GNAO1: variants seen among roughly 807,000 people sequenced by gnomAD.
The protein encoded by GNAO1 is guanine nucleotide-binding protein G(o) subunit alpha.
For missense variants in GNAO1, 166 were observed against 478.7 expected, an observed-to-expected ratio of 0.35 and a Z score of 6.10; for synonymous variants, 164 against 180.7, an observed-to-expected ratio of 0.91 and a Z score of 0.74.
At chr16:56,229,039 A>C (rs578252399) in intron 2 of GNAO1, among the ~76,000 whole-genome samples, 1 of 152,308 alleles carries the variant, frequency 6.6e-6, no homozygotes, top group Admixed American at 6.5e-5. Flanking sequence ...GATTGAATGA[A>C]TTAACTTTTG....
intron 3 of GNAO1, among the ~76,000 whole-genome samples, chr16:56,285,360 A>G (rs542738125): frequency 3.9e-4 from 60 of 152,066 alleles, no homozygotes; most frequent in African/African-American, 1.4e-3. Context: ...GCCCCCACCA[A>G]TCTTGGATGT....
At chr16:56,257,666 C>G (rs1317614844) in intron 2 of GNAO1, among the ~76,000 whole-genome samples, 1 of 152,172 alleles carries the variant, frequency 6.6e-6, no homozygotes, top group Admixed American at 6.5e-5. Context: ...AAATTTCTGA[C>G]TACAGCCCGT....
chr16:56,310,453 G>A (rs891011778), intron 3 of GNAO1, among the ~76,000 whole-genome samples: 3 of 152,198 alleles, frequency 2.0e-5, no homozygotes, highest in Admixed American at 6.5e-5. Context: ...CAAAAATTAT[G>A]CGAGTAACTG....
intron 2 of GNAO1, among the ~76,000 whole-genome samples, chr16:56,250,668 T>C (rs1457134568): frequency 4.6e-5 from 7 of 152,340 alleles, no homozygotes; most frequent in Admixed American, 4.6e-4. Context: ...CTGAAAAGTC[T>C]GGCTCCTGGG....
rs1379408159 is a variant in GNAO1, at chr16:56,326,749, C to T, written c.304-1882C>T. On this transcript the variant is annotated intron_variant, in intron 3 of 8. Coordinates refer to ENST00000262493, the MANE Select transcript of GNAO1 (RefSeq NM_020988.3). The surrounding 1 kb of genome is among the most constrained non-coding windows in gnomAD (Gnocchi z 4.8). ...GCTATACACCTGAGGCAGTGAGCTC[C>T]ATGGGCAGAGGCAGGAGGGCGGCCC... Among the ~76,000 whole-genome samples, 4 of 152,258 alleles carry T rather than the reference C, an allele frequency of 2.6e-5. No individual in the cohort carries two copies. The highest frequency in any genetic ancestry group is 7.2e-5 in the African/African-American group (3 of 41,470).
At chr16:56,231,492 G>A (rs962709607) in intron 2 of GNAO1, among the ~76,000 whole-genome samples, 6 of 152,004 alleles carry the variant, frequency 3.9e-5, no homozygotes, top group African/African-American at 1.2e-4. Context: ...AGCCAGGTCC[G>A]AGTCTGTTTT....
chr16:56,197,762 G>A (rs187953075), intron 2 of GNAO1, among the ~76,000 whole-genome samples: 3 of 152,282 alleles, frequency 2.0e-5, no homozygotes, highest in Admixed American at 2.0e-4. Context: ...AGATTATTTT[G>A]TGCTTCTTCA....
At chr16:56,269,396 G>A (rs1209417310) in intron 2 of GNAO1, among the ~76,000 whole-genome samples, 11 of 152,070 alleles carry the variant, frequency 7.2e-5, no homozygotes, top group Non-Finnish European at 1.0e-4. Context: ...GGACAGACGC[G>A]GGACGCCTGA....
At chr16:56,241,127 G>C (rs2036690171) in intron 2 of GNAO1, among the ~76,000 whole-genome samples, 1 of 152,230 alleles carries the variant, frequency 6.6e-6, no homozygotes, top group Admixed American at 6.5e-5. Context: ...GGAGCATGCA[G>C]TTCTTTGCCA....
rs139078117 is a variant in GNAO1 at position 56,212,170 on chromosome 16, A to G, written c.161+19554A>G. ...TAAATGTTCTTTTCAAACTCTGTTT[A>G]TCAATTCAGGGAGAGTTTTAGAAAC... On this transcript the variant is annotated intron_variant, in intron 2 of 8. Transcript: ENST00000262493. Among the ~76,000 whole-genome samples the G allele has an allele frequency of 6.3e-4, 96 of 152,364 alleles. No homozygotes were observed. The East Asian group carries it at 0.013, about 20-fold the overall frequency.
chr16:56,283,357 A>G (rs2037132450), intron 3 of GNAO1, among the ~76,000 whole-genome samples: 2 of 152,306 alleles, frequency 1.3e-5, no homozygotes, highest in South Asian at 2.1e-4. Context: ...CTTGCCGCCC[A>G]TGCTCTTGTT....
intron 2 of GNAO1, among the ~76,000 whole-genome samples, chr16:56,269,829 C>T (rs1167385323): frequency 3.9e-5 from 6 of 152,146 alleles, no homozygotes; most frequent in Non-Finnish European, 5.9e-5. Flanking sequence ...GGTACATTGT[C>T]ACACTGTCAG....
intron 3 of GNAO1, among the ~76,000 whole-genome samples, chr16:56,319,147 G>C (rs1360921566): frequency 1.3e-5 from 2 of 152,176 alleles, no homozygotes; most frequent in Non-Finnish European, 2.9e-5. Flanking sequence ...ATGAAGAGAA[G>C]GGAAGGGTTT....
chr16:56,252,466 C>T (rs1332160827), intron 2 of GNAO1, among the ~76,000 whole-genome samples: 13 of 152,212 alleles, frequency 8.5e-5, no homozygotes, highest in Non-Finnish European at 1.5e-5. Context: ...GCACAAGCTT[C>T]CAAGTAACAC....
At chr16:56,322,857 G>A (rs2037589439) in intron 3 of GNAO1, among the ~76,000 whole-genome samples, 1 of 152,144 alleles carries the variant, frequency 6.6e-6, no homozygotes, top group Non-Finnish European at 1.5e-5. Flanking sequence ...AGAAACTGGG[G>A]CCAAGCCTCA....
chr16:56,300,517 T>C (rs1200404111), intron 3 of GNAO1: 3 of 152,160 alleles, frequency 2.0e-5, no homozygotes, highest in Admixed American at 2.0e-4. Flanking sequence ...CCCTGAGAAG[T>C]TGGGACTATT....
chr16:56,260,100 G>A lies in GNAO1; in HGVS notation c.162-15831G>A, dbSNP rs192743179. Among the ~76,000 whole-genome samples, 5 of 152,320 alleles carry A rather than the reference G, an allele frequency of 3.3e-5. No individual in the cohort carries two copies. The South Asian group carries it at 8.3e-4, about 25-fold the overall frequency. On this transcript the variant is annotated intron_variant, in intron 2 of 8. Coordinates refer to ENST00000262493, the MANE Select transcript of GNAO1 (RefSeq NM_020988.3). ...TTGCATAGCTTTGACTACAGCTGAT[G>A]TCAGGAGGCAGGGGTTATTGGGAGG...
Position 56,355,047 on chromosome 16 carries a change from G to A in GNAO1, c.1059G>A (p.Leu353=). ...CCAACAACCTCCGGGGCTGCGGCTT[G>A]TACTGACCTCTTGTCCTGTATAGCA... ...IIANNLRGCG[L]Y is the part of the protein sequence containing the mutation. Residue 353 remains leucine, a synonymous_variant, in exon 8 of 9, where the codon TTG becomes TTA. Transcript: ENST00000262493. 6.2e-7 allele frequency: 1 copy of A among 1,610,402 alleles called. No individual in the cohort carries two copies. The highest frequency in any genetic ancestry group is 8.5e-7 in the Non-Finnish European group (1 of 1,177,430).
chr16:56,357,333 C>T lies in GNAO1; in HGVS notation c.*1259C>T, dbSNP rs2037979254. ...AAAAAGCCCACGGGTCTTTGTAAGC[C>T]TTTCTATTCCCAATCGGTGAGGTTT... On this transcript the variant is annotated 3_prime_UTR_variant, in exon 9 of 9. Transcript: ENST00000262493. 6.6e-6 allele frequency: 1 copy of T among 152,030 alleles called. No individual in the cohort carries two copies. Among genetic ancestry groups the T allele is most frequent in the Non-Finnish European group, 1.5e-5 (1 of 67,998 alleles). 9.4% of individuals were successfully genotyped at this position (152,030 alleles called of 1,614,324 possible). A position where few individuals can be genotyped will look rare whatever the true frequency, so the allele number is the denominator to read the frequency against.
Sources: gnomAD v4.1 joint callset for allele counts (sites outside exome capture counted in the v4.1 genomes callset) on GRCh38, gnomAD v4.1.1 for gene constraint, Gnocchi (gnomAD v3.1) non-coding constraint, MANE v1.5 for transcripts, NCBI Gene and HGNC (gene_info 2026-07-23, HGNC 2026-07-21) for gene names.